The following ZDHHC3 variants were observed in gnomAD, a reference collection of about 807,000 sequenced individuals.
ZDHHC3 encodes the protein zDHHC palmitoyltransferase 3.
Under a neutral mutation model 30.6 loss-of-function variants are expected in ZDHHC3, and 9 were observed. The ratio of observed to expected loss-of-function variants is 0.29; its 90% CI spans 0.18 to 0.51. ZDHHC3 has a LOEUF of 0.51. Ranked by LOEUF, ZDHHC3 falls within the 20% of genes least tolerant of loss-of-function variation. ZDHHC3 has a pLI of 0.97. For missense variants in ZDHHC3, 246 were observed against 384.2 expected (o/e 0.64, Z 3.01); for synonymous variants, 136 against 140.2 (o/e 0.97, Z 0.21).
At chr3:44,975,151 G>A (rs376159190) in intron 1 of ZDHHC3, 31 of 151,878 alleles carry the variant, frequency 2.0e-4, no homozygotes, top group African/African-American at 7.0e-4. Flanking sequence ...ACTAATTTGG[G>A]TTAACTTTCT....
chr3:44,965,444 G>A (rs918420759), intron 1 of ZDHHC3, among the ~76,000 whole-genome samples: 1 of 152,136 alleles, frequency 6.6e-6, no homozygotes, highest in African/African-American at 2.4e-5. Context: ...CAAAGGGTTT[G>A]AACATCGTGG....
At chr3:44,943,577 C>T (rs1702637421) in intron 3 of ZDHHC3, among the ~76,000 whole-genome samples, 1 of 152,230 alleles carries the variant, frequency 6.6e-6, no homozygotes, top group African/African-American at 2.4e-5. Flanking sequence ...AATGTCTCCG[C>T]AGGCTAAGCC....
chr3:44,932,926 G>C (rs369925964), intron 5 of ZDHHC3, 192 bp downstream of exon 5: 2 of 1,613,972 alleles, frequency 1.2e-6, no homozygotes, highest in Non-Finnish European at 1.7e-6. Context: ...TGAAGTTAAG[G>C]GGCTGCATTT....
chr3:44,920,855 C>A lies in ZDHHC3; in HGVS notation c.*5834G>T, dbSNP rs890047140. The A allele has an allele frequency of 5.4e-5, 53 of 985,312 alleles. No homozygotes were observed. The highest frequency in any genetic ancestry group is 6.3e-5 in the Non-Finnish European group (52 of 829,940). 61.0% of individuals were successfully genotyped at this position (985,312 alleles called of 1,614,324 possible). A position where few individuals can be genotyped will look rare whatever the true frequency, so the allele number is the denominator to read the frequency against. ...CAGAGGTCTTCAGCAGTAAAGTCGA[C>A]AAACTTTCAGGGAGTGTTGACTTTT... On this transcript the variant is annotated 3_prime_UTR_variant, in exon 7 of 7. Coordinates refer to ENST00000424952, the MANE Select transcript of ZDHHC3 (RefSeq NM_001135179.2).
chr3:44,939,456 T>C (rs1364179701), intron 3 of ZDHHC3, among the ~76,000 whole-genome samples: 1 of 152,272 alleles, frequency 6.6e-6, no homozygotes, highest in Non-Finnish European at 1.5e-5. Context: ...AGCCTGTTTC[T>C]GGCATGTTCT....
chr3:44,926,649 T>C lies in ZDHHC3; in HGVS notation c.*40A>G, dbSNP rs367954863. The C allele has an allele frequency of 6.5e-7, 1 of 1,546,702 alleles. No individual in the cohort carries two copies. The highest frequency in any genetic ancestry group is 8.7e-7 in the Non-Finnish European group (1 of 1,149,758). ...AACGGATGGGACGGTAGTGCTGTGG[T>C]GTGGACTTGTGTCTGAGTGGCCATG... On this transcript the variant is annotated 3_prime_UTR_variant, in exon 7 of 7. Transcript: ENST00000424952.
chr3:44,920,819 G>A lies in ZDHHC3; in HGVS notation c.*5870C>T. The A allele has an allele frequency of 1.0e-6, 1 of 985,358 alleles. No homozygotes were observed. The highest frequency in any genetic ancestry group is 1.2e-6 in the Non-Finnish European group (1 of 829,922). 61.0% of individuals were successfully genotyped at this position (985,358 alleles called of 1,614,324 possible). On this transcript the variant is annotated 3_prime_UTR_variant, in exon 7 of 7. Coordinates refer to ENST00000424952, the MANE Select transcript of ZDHHC3 (RefSeq NM_001135179.2). ...TCATAAAGTATTCCAGACAGAGCCT[G>A]GCCTGTCTACCAGAGGTCTTCAGCA... is the stretch of plus-strand genomic sequence containing the variant.
intron 3 of ZDHHC3, among the ~76,000 whole-genome samples, chr3:44,934,893 C>CAA (rs886501187): frequency 1.8e-3 from 108 of 59,798 alleles, no homozygotes; most frequent in African/African-American, 5.2e-3. Context: ...ACTCTGTCTC[C>CAA]AAAAAAAAAA....
chr3:44,939,857 G>C (rs1702288942), intron 3 of ZDHHC3, among the ~76,000 whole-genome samples: 1 of 152,220 alleles, frequency 6.6e-6, no homozygotes, highest in Non-Finnish European at 1.5e-5. Flanking sequence ...GGCCACAAGT[G>C]TTGGTCTAAA....
At chr3:44,961,356 C>T (rs1704464889) in intron 1 of ZDHHC3, among the ~76,000 whole-genome samples, 1 of 152,222 alleles carries the variant, frequency 6.6e-6, no homozygotes, top group Admixed American at 6.5e-5. Flanking sequence ...CACGCCACTG[C>T]ACTCCAGCCT....
At chr3:44,962,901 G>T (rs1411868326) in intron 1 of ZDHHC3, among the ~76,000 whole-genome samples, 2 of 152,316 alleles carry the variant, frequency 1.3e-5, no homozygotes, top group East Asian at 3.9e-4. Flanking sequence ...AGATTTATTT[G>T]CAAAAGGGTA....
At chr3:44,975,673 G>C (rs1000694426) in intron 1 of ZDHHC3, among the ~76,000 whole-genome samples, 1 of 151,746 alleles carries the variant, frequency 6.6e-6, no homozygotes, top group Non-Finnish European at 1.5e-5. Context: ...CTAGGGACTA[G>C]AGAAATGGAG....
At chr3:44,973,957 T>C (rs1347891253) in intron 1 of ZDHHC3, among the ~76,000 whole-genome samples, 1 of 152,222 alleles carries the variant, frequency 6.6e-6, no homozygotes, top group East Asian at 1.9e-4. Flanking sequence ...ATCCTTGACT[T>C]CTTGATTTTT....
chr3:44,932,964 C>T, intron 5 of ZDHHC3, 154 bp downstream of exon 5: 3 of 1,614,094 alleles, frequency 1.9e-6, no homozygotes, highest in African/African-American at 1.3e-5. Flanking sequence ...CCAGTCTCTG[C>T]CATTTCTTCC....
chr3:44,975,745 G>T, intron 1 of ZDHHC3, among the ~76,000 whole-genome samples, 188 bp downstream of exon 1: 1 of 140,900 alleles, frequency 7.1e-6, no homozygotes, highest in Admixed American at 7.2e-5. Context: ...TCCTTAGTCG[G>T]GGTCTCTCTC....
rs1174921607 is a variant in ZDHHC3, at chr3:44,917,991, CAT to C, written c.*8696_*8697del. 1.5e-6 allele frequency: 2 copies of C among 1,305,350 alleles called. No individual in the cohort carries two copies. The highest frequency in any genetic ancestry group is 1.1e-4 in the East Asian group (2 of 18,042). 80.9% of individuals were successfully genotyped at this position (1,305,350 alleles called of 1,614,324 possible). On this transcript the variant is annotated 3_prime_UTR_variant, in exon 7 of 7. Coordinates refer to ENST00000424952, the MANE Select transcript of ZDHHC3 (RefSeq NM_001135179.2). ...CTGACAGCGATGTCACCTGCCGCAC[CAT>C]GTCTTTGTCACTGGGGATCTCTGGC...
intron 3 of ZDHHC3, among the ~76,000 whole-genome samples, chr3:44,944,372 C>G (rs1702728154): frequency 1.3e-5 from 2 of 152,178 alleles, no homozygotes; most frequent in Non-Finnish European, 1.5e-5. Context: ...TCTCGAACTC[C>G]TGACCTCAGG....
intron 4 of ZDHHC3, 106 bp downstream of exon 4, chr3:44,933,782 A>G: frequency 9.9e-7 from 1 of 1,014,616 alleles, no homozygotes. Context: ...CTACAGGGCC[A>G]GGCAGTATTC....
At chr3:44,933,077 C>T (rs1232456929) in intron 5 of ZDHHC3, 41 bp downstream of exon 5, 4 of 1,610,582 alleles carry the variant, frequency 2.5e-6, no homozygotes, top group Admixed American at 1.7e-5. Context: ...AGGTCACACA[C>T]CCACCCTGGA....
Sources: allele counts gnomAD v4.1 joint callset (sites outside exome capture counted in the v4.1 genomes callset), GRCh38; gene constraint gnomAD v4.1.1; transcripts MANE v1.5; gene names NCBI Gene and HGNC (gene_info 2026-07-23, HGNC 2026-07-21).